TRAK2: variants seen among roughly 807,000 people sequenced by gnomAD.
TRAK2 encodes trafficking kinesin protein 2, also known as trafficking kinesin-binding protein 2.
Under a neutral mutation model 104.6 loss-of-function variants are expected in TRAK2, and 81 were observed. That is an observed-to-expected ratio of 0.77 (90% CI 0.65 to 0.93). TRAK2 has a LOEUF of 0.93. Among genes scored for constraint, TRAK2 ranks in the 40% least tolerant of loss-of-function variants. The pLI is 0.00. For missense variants in TRAK2, 1,002 were observed against 1,089.0 expected (o/e 0.92, Z 1.12); for synonymous variants, 406 against 394.4 (o/e 1.03, Z -0.35).
intron 1 of TRAK2, among the ~76,000 whole-genome samples, chr2:201,445,141 GAATA>G (rs1951954713): frequency 1.3e-5 from 2 of 152,128 alleles, no homozygotes; most frequent in African/African-American, 4.8e-5. Context: ...TTTCTAGCAT[GAATA>G]AACCACAATA....
chr2:201,410,842 T>C, intron 2 of TRAK2: 3 of 1,604,272 alleles, frequency 1.9e-6, no homozygotes, highest in Non-Finnish European at 2.6e-6. Context: ...GGGTCTTTGT[T>C]GGGTTGGCTT....
chr2:201,387,732 T>C lies in TRAK2; in HGVS notation c.1667A>G (p.Glu556Gly). 6.2e-7 allele frequency: 1 copy of C among 1,609,048 alleles called. No homozygotes were observed. Among genetic ancestry groups the C allele is most frequent in the Non-Finnish European group, 8.5e-7 (1 of 1,176,782 alleles). Residue 556 changes from glutamate (E) to glycine (G), a missense_variant, in exon 13 of 16, where the codon GAA becomes GGA. By Grantham distance (98) the Glu-to-Gly change is moderately conservative. Transcript: ENST00000332624. The stretch of plus-strand genomic sequence containing the variant: ...AAGGGGCTTGACAATTTGTAATTTT[T>C]CTGGCATAAAACCTCGAAGGCAACT... The part of the protein sequence containing the change: ...SASCLRGFMP[E>G]KLQIVKPLEG...
In TRAK2 at chr2:201,437,945, T is replaced by C. The variant is rs138240553; in HGVS notation, c.-200+13405A>G. ...ACTCTATGGGGACCCAAATATGTAG[T>C]CCACTTGGCAGTTGTACTGTATATC... is the stretch of plus-strand genomic sequence containing the variant. On this transcript the variant is annotated intron_variant, in intron 1 of 15. Coordinates refer to ENST00000332624, the MANE Select transcript of TRAK2 (RefSeq NM_015049.3). Among the ~76,000 whole-genome samples the C allele has an allele frequency of 2.2e-3, 336 of 152,328 alleles. 1 individual carries two copies. In the Middle Eastern group the frequency reaches 0.034, roughly 15 times the overall value.
intron 1 of TRAK2, among the ~76,000 whole-genome samples, chr2:201,438,657 A>C (rs1161831997): frequency 3.3e-5 from 5 of 152,322 alleles, no homozygotes; most frequent in African/African-American, 1.2e-4. Context: ...AGATAATTCT[A>C]CTACAATCCT....
chr2:201,393,835 T>A (rs1350681854), intron 9 of TRAK2, among the ~76,000 whole-genome samples: 4 of 152,184 alleles, frequency 2.6e-5, no homozygotes, highest in Admixed American at 6.5e-5. Context: ...ACAGTCTCAA[T>A]CTTCTGGGCT....
At chr2:201,436,525 C>T (rs1951880860) in intron 1 of TRAK2, among the ~76,000 whole-genome samples, 1 of 152,130 alleles carries the variant, frequency 6.6e-6, no homozygotes. Context: ...AGAATTTATC[C>T]TCAAATCAAA....
intron 1 of TRAK2, among the ~76,000 whole-genome samples, chr2:201,438,774 T>C (rs2125661704): frequency 6.6e-6 from 1 of 152,356 alleles, no homozygotes; most frequent in East Asian, 1.9e-4. Context: ...TTGAGCAATT[T>C]ATATTTGCTT....
At chr2:201,411,166 A>G (rs1384217822) in intron 2 of TRAK2, 1 of 755,136 alleles carries the variant, frequency 1.3e-6, no homozygotes, top group Non-Finnish European at 2.4e-6. Flanking sequence ...TTATCCATCA[A>G]TGTGTCTGTC....
At chr2:201,398,990 G>A (rs1426202536) in intron 5 of TRAK2, among the ~76,000 whole-genome samples, 1 of 152,018 alleles carries the variant, frequency 6.6e-6, no homozygotes, top group Non-Finnish European at 1.5e-5. Flanking sequence ...TATTTTCAAA[G>A]TTTCTTTTTA....
At chr2:201,388,193 T>C (rs1328374877) in intron 12 of TRAK2, 192 bp from the exon 13 acceptor site, 13 of 631,138 alleles carry the variant, frequency 2.1e-5, no homozygotes, top group Admixed American at 1.7e-4. Flanking sequence ...TTACAGATCA[T>C]TGCAAATGAC....
Position 201,381,221 on chromosome 2 carries a change from T to TAAA in TRAK2, c.2070-6_2070-4dup, listed in dbSNP as rs3832088. The TAAA allele has an allele frequency of 5.0e-5, 76 of 1,520,018 alleles. No homozygotes were observed. Among genetic ancestry groups the TAAA allele is most frequent in the East Asian group, 2.6e-4 (11 of 42,710 alleles). The allele number at this position is 1,520,018 out of a possible 1,614,324, so 94.2% of individuals were successfully genotyped here. Reference sequence around the variant, plus strand: ...AGGATAATGAAGGGAACCCAGAGCTTAAAAAAAAAAAAAAAAAGTGGGAGA... The same window carrying TAAA: ...AGGATAATGAAGGGAACCCAGAGCTTAAAAAAAAAAAAAAAAAAAAGTGGGAGA... On this transcript the variant is annotated splice_polypyrimidine_tract_variant and splice_region_variant and intron_variant, in intron 15 of 15. Transcript: ENST00000332624.
chr2:201,385,321 C>T (rs781513040), intron 14 of TRAK2, among the ~76,000 whole-genome samples: 1 of 151,648 alleles, frequency 6.6e-6, no homozygotes, highest in East Asian at 1.9e-4. Context: ...ATGTAGGATA[C>T]GACCAATGCA....
intron 1 of TRAK2, among the ~76,000 whole-genome samples, chr2:201,422,500 T>C (rs1328454677): frequency 6.6e-6 from 1 of 151,988 alleles, no homozygotes; most frequent in African/African-American, 2.4e-5. Flanking sequence ...AAATATTCAA[T>C]GTTTTACAAG....
chr2:201,414,632 G>GT (rs1447482131), intron 2 of TRAK2, among the ~76,000 whole-genome samples: 1 of 152,080 alleles, frequency 6.6e-6, no homozygotes, highest in Non-Finnish European at 1.5e-5. Flanking sequence ...CTTAAATATG[G>GT]TTCTAAATAA....
At chr2:201,404,909 T>C (rs1951580544) in intron 3 of TRAK2, among the ~76,000 whole-genome samples, 1 of 152,088 alleles carries the variant, frequency 6.6e-6, no homozygotes, top group Non-Finnish European at 1.5e-5. Flanking sequence ...TGCTACGATA[T>C]AGCAAACATT....
intron 1 of TRAK2, among the ~76,000 whole-genome samples, chr2:201,423,828 A>G (rs1032274780): frequency 1.3e-5 from 2 of 152,178 alleles, no homozygotes; most frequent in African/African-American, 4.8e-5. Context: ...ATTTATTCCA[A>G]GTGTATTTTA....
intron 2 of TRAK2, 24 bp downstream of exon 2, chr2:201,420,393 C>G: frequency 6.2e-7 from 1 of 1,600,238 alleles, no homozygotes; most frequent in East Asian, 2.2e-5. Flanking sequence ...GATAGCACTT[C>G]AATATTTATT....
intron 1 of TRAK2, among the ~76,000 whole-genome samples, chr2:201,442,009 A>G (rs1246139527): frequency 6.6e-6 from 1 of 151,184 alleles, no homozygotes; most frequent in African/African-American, 2.4e-5. Flanking sequence ...TGCTCTTTCT[A>G]AACCAACAAA....
At chr2:201,396,063 G>A (rs576427756) in intron 7 of TRAK2, among the ~76,000 whole-genome samples, 1 of 152,224 alleles carries the variant, frequency 6.6e-6, no homozygotes, top group South Asian at 2.1e-4. Flanking sequence ...AGAGCCTTTA[G>A]AATTCCACTA....
Sources: gnomAD v4.1 joint callset for allele counts (sites outside exome capture counted in the v4.1 genomes callset) on GRCh38, gnomAD v4.1.1 for gene constraint, MANE v1.5 for transcripts, NCBI Gene and HGNC (gene_info 2026-07-23, HGNC 2026-07-21) for gene names.